CDH18: variants seen among roughly 807,000 people sequenced by gnomAD.
CDH18 encodes cadherin 18.
A neutral mutation model predicts 67.9 loss-of-function variants in CDH18; 31 were observed. That is an observed-to-expected ratio of 0.46 (90% CI 0.34 to 0.62). The LOEUF is 0.62. CDH18 is among the 20% of genes least tolerant of loss of function. The pLI is 0.01. For synonymous variants in CDH18, 362 were observed against 347.2 expected, an observed-to-expected ratio of 1.04 and a Z score of -0.48; for missense variants, 890 against 975.5, an observed-to-expected ratio of 0.91 and a Z score of 1.17.
chr5:20,258,891 T>C (rs538827694), intron 1 of CDH18, among the ~76,000 whole-genome samples: 39 of 152,242 alleles, frequency 2.6e-4, no homozygotes, highest in Non-Finnish European at 4.3e-4. Context: ...GAGATTCATA[T>C]GAGGTCAAAC....
chr5:20,212,704 A>T (rs1740446246), intron 2 of CDH18, among the ~76,000 whole-genome samples: 1 of 147,368 alleles, frequency 6.8e-6, no homozygotes, highest in Non-Finnish European at 1.5e-5. Flanking sequence ...TTAGAAAAGA[A>T]AAAAAAAAAC....
intron 11 of CDH18, among the ~76,000 whole-genome samples, chr5:19,484,406 T>C (rs1382526021): frequency 6.6e-6 from 1 of 152,182 alleles, no homozygotes; most frequent in Non-Finnish European, 1.5e-5. Flanking sequence ...CATTGCCTCA[T>C]CTACAATTCA....
chr5:20,267,370 G>C (rs1745120375), intron 1 of CDH18, among the ~76,000 whole-genome samples: 1 of 152,110 alleles, frequency 6.6e-6, no homozygotes, highest in Admixed American at 6.6e-5. Flanking sequence ...GCAATGTGAT[G>C]CCTCCAGCTT....
chr5:19,510,021 T>C (rs1194009332), intron 10 of CDH18, among the ~76,000 whole-genome samples: 2 of 152,142 alleles, frequency 1.3e-5, no homozygotes, highest in South Asian at 2.1e-4. Context: ...CCAATCTCTT[T>C]GACATAGCTA....
chr5:20,151,836 A>G (rs1751131004), intron 2 of CDH18, among the ~76,000 whole-genome samples: 1 of 152,006 alleles, frequency 6.6e-6, no homozygotes, highest in African/African-American at 2.4e-5. Flanking sequence ...GTCTCAGTAG[A>G]ATCATCACTG....
intron 5 of CDH18, among the ~76,000 whole-genome samples, chr5:19,637,484 C>A (rs935991949): frequency 6.6e-6 from 1 of 152,118 alleles, no homozygotes; most frequent in Non-Finnish European, 1.5e-5. Context: ...GACAAATATT[C>A]TATCTTTGGC....
Position 20,214,863 on chromosome 5 carries a change from G to A in CDH18, c.-518+40581C>T, listed in dbSNP as rs370205533. On this transcript the variant is annotated intron_variant, in intron 2 of 14. Coordinates refer to the CDH18 transcript ENST00000507958. Reference sequence around the variant, plus strand: ...AAATGTAATCTAATTAAACTAAAGCGCTTCTTCACAGCAAAAGAAACTATC... The same window carrying A: ...AAATGTAATCTAATTAAACTAAAGCACTTCTTCACAGCAAAAGAAACTATC... Among the ~76,000 whole-genome samples, 12 of 152,040 alleles carry A rather than the reference G, an allele frequency of 7.9e-5. No individual in the cohort carries two copies. In the East Asian group the frequency reaches 1.4e-3, roughly 17 times the overall value.
At chr5:20,082,128 T>C (rs986018812) in intron 2 of CDH18, among the ~76,000 whole-genome samples, 1 of 151,758 alleles carries the variant, frequency 6.6e-6, no homozygotes, top group African/African-American at 2.4e-5. Context: ...CTCCAACCGA[T>C]GCATTCAAAA....
At chr5:20,227,864 A>G (rs764444477) in intron 2 of CDH18, among the ~76,000 whole-genome samples, 2 of 151,500 alleles carry the variant, frequency 1.3e-5, no homozygotes, top group African/African-American at 2.4e-5. Flanking sequence ...TAGTTCCACA[A>G]TTGTCTACAA....
In CDH18 at chr5:20,562,515, T is replaced by C. The variant is rs149644790; in HGVS notation, c.-580+12947A>G. Among the ~76,000 whole-genome samples the C allele has an allele frequency of 7.0e-3, 1,069 of 151,820 alleles. 22 individuals carry two copies. Among genetic ancestry groups the C allele is most frequent in the Admixed American group, 0.038 (572 of 15,200 alleles). ...TAATTGATCTGAATACTGTATATGATAAAAATGTGTTTCACCTGCATTTAG... is the reference window on the plus strand; with the variant it reads ...TAATTGATCTGAATACTGTATATGACAAAAATGTGTTTCACCTGCATTTAG... On this transcript the variant is annotated intron_variant, in intron 1 of 14. Coordinates refer to the CDH18 transcript ENST00000507958.
chr5:20,547,687 T>C (rs1225514410), intron 1 of CDH18, among the ~76,000 whole-genome samples: 1 of 152,156 alleles, frequency 6.6e-6, no homozygotes, highest in Non-Finnish European at 1.5e-5. Context: ...GCTTAAATAA[T>C]GAGAAGACAA....
chr5:20,258,064 TATA>T (rs1744379268), intron 1 of CDH18, among the ~76,000 whole-genome samples: 1 of 152,118 alleles, frequency 6.6e-6, no homozygotes, highest in African/African-American at 2.4e-5. Context: ...AGGTTTATAA[TATA>T]ATCACAATAA....
chr5:19,904,851 A>C (rs1337849045), intron 2 of CDH18, among the ~76,000 whole-genome samples: 1 of 152,190 alleles, frequency 6.6e-6, no homozygotes, highest in East Asian at 1.9e-4. Context: ...GAAGGTCCTT[A>C]ATTTCTTCAA....
At chr5:20,148,462 T>C (rs539561011) in intron 2 of CDH18, among the ~76,000 whole-genome samples, 102 of 152,236 alleles carry the variant, frequency 6.7e-4, no homozygotes, top group African/African-American at 2.4e-3. Flanking sequence ...AATATTTTGA[T>C]TCTAAAAATC....
chr5:19,660,230 A>T (rs1304836980), intron 5 of CDH18, among the ~76,000 whole-genome samples: 2 of 152,134 alleles, frequency 1.3e-5, no homozygotes, highest in African/African-American at 4.8e-5. Flanking sequence ...TGAATAATAA[A>T]TATGTTGAAT....
At chr5:20,117,030 AGT>A (rs368558102) in intron 2 of CDH18, among the ~76,000 whole-genome samples, 4,168 of 147,602 alleles carry the variant, frequency 0.028, 70 homozygotes, top group Middle Eastern at 0.053. Context: ...TGTGTGTGTG[AGT>A]GTGTGTGTGT....
At chr5:19,669,650 G>C (rs768233334) in intron 5 of CDH18, among the ~76,000 whole-genome samples, 27 of 152,072 alleles carry the variant, frequency 1.8e-4, no homozygotes, top group Non-Finnish European at 2.9e-4. Flanking sequence ...TTTGTTACTG[G>C]AAAATTTAGT....
intron 3 of CDH18, among the ~76,000 whole-genome samples, chr5:19,752,680 G>A (rs1771007454): frequency 6.6e-6 from 1 of 152,144 alleles, no homozygotes; most frequent in South Asian, 2.1e-4. Flanking sequence ...TAACACAGCT[G>A]ATGCTCTCTG....
chr5:20,413,180 A>C (rs1746946239), intron 1 of CDH18, among the ~76,000 whole-genome samples: 1 of 152,202 alleles, frequency 6.6e-6, no homozygotes, highest in Non-Finnish European at 1.5e-5. Flanking sequence ...CGTGGTGTAT[A>C]TGTGCCACAT....
Sources: allele counts gnomAD v4.1 joint callset (sites outside exome capture counted in the v4.1 genomes callset), GRCh38; gene constraint gnomAD v4.1.1; transcripts MANE v1.5; gene names NCBI Gene and HGNC (gene_info 2026-07-23, HGNC 2026-07-21).